The following SMIM13 variants were observed in gnomAD, a reference collection of about 807,000 sequenced individuals.
SMIM13 encodes the protein UPF0766 protein C6orf228.
In SMIM13, 3 loss-of-function variants were observed where a neutral mutation model predicts 5.9. The observed-to-expected ratio is 0.51, with a 90% confidence interval of 0.23 to 1.31. SMIM13 has a LOEUF of 1.31. SMIM13 is among the 40% of genes most tolerant of loss of function. The pLI, the probability that SMIM13 is intolerant of heterozygous loss-of-function variation, is 0.18. For synonymous variants in SMIM13, 55 were observed against 46.0 expected (o/e 1.19, Z -0.79); for missense variants, 85 against 109.9 (o/e 0.77, Z 1.01).
intron 1 of SMIM13, among the ~76,000 whole-genome samples, chr6:11,114,559 T>C (rs1329970841): frequency 6.6e-6 from 1 of 150,972 alleles, no homozygotes; most frequent in African/African-American, 2.4e-5. Flanking sequence ...TTTTAATGAT[T>C]TTTCTGTATT....
At chr6:11,114,588 TTC>T (rs1758212366) in intron 1 of SMIM13, among the ~76,000 whole-genome samples, 1 of 139,354 alleles carries the variant, frequency 7.2e-6, no homozygotes. Context: ...CATGCACTTT[TTC>T]TCTTTTTTTT....
chr6:11,119,140 C>A (rs796928180), intron 1 of SMIM13, among the ~76,000 whole-genome samples: 1 of 152,154 alleles, frequency 6.6e-6, no homozygotes, highest in Non-Finnish European at 1.5e-5. Flanking sequence ...AAAGTGGGAA[C>A]AAAATGCTGA....
intron 1 of SMIM13, among the ~76,000 whole-genome samples, chr6:11,116,006 CTCTT>C (rs1758234356): frequency 2.4e-5 from 3 of 125,060 alleles, no homozygotes; most frequent in Admixed American, 1.8e-4. Flanking sequence ...TCCTTCCTTC[CTCTT>C]TTTTTTTTTT....
chr6:11,116,008 C>CTT lies in SMIM13; in HGVS notation c.77-18367_77-18366dup, dbSNP rs35527082. On this transcript the variant is annotated intron_variant, in intron 1 of 1. Transcript: ENST00000416247. ...TGCCGGCCGGCCTTCCTTCCTTCCTCTTTTTTTTTTTTTTTTTTTTTTTTT... is the reference window on the plus strand; with the variant it reads ...TGCCGGCCGGCCTTCCTTCCTTCCTCTTTTTTTTTTTTTTTTTTTTTTTTTTT... Among the ~76,000 whole-genome samples the CTT allele has an allele frequency of 1.7e-3, 134 of 78,526 alleles. 10 individuals are homozygous for CTT. The highest frequency in any genetic ancestry group is 6.2e-3 in the East Asian group (13 of 2,108). The allele number at this position is 78,526 out of a possible 152,430, so 51.5% of individuals were successfully genotyped here.
At chr6:11,125,811 T>C (rs184239374) in intron 1 of SMIM13, among the ~76,000 whole-genome samples, 5 of 152,310 alleles carry the variant, frequency 3.3e-5, no homozygotes, top group African/African-American at 1.2e-4. Flanking sequence ...AGGAGTCTTC[T>C]TTGGGTTAAA....
chr6:11,114,137 G>A (rs1447775804), intron 1 of SMIM13, among the ~76,000 whole-genome samples: 1 of 150,620 alleles, frequency 6.6e-6, no homozygotes, highest in Non-Finnish European at 1.5e-5. Flanking sequence ...GCGCCACCAC[G>A]CCTGGCTGAT....
intron 1 of SMIM13, among the ~76,000 whole-genome samples, chr6:11,122,496 G>A (rs1265623918): frequency 6.6e-6 from 1 of 152,082 alleles, no homozygotes; most frequent in East Asian, 1.9e-4. Flanking sequence ...TCAGGCCTGT[G>A]ACCTTTTTGC....
At chr6:11,099,050 T>C (rs1403124737) in intron 1 of SMIM13, among the ~76,000 whole-genome samples, 1 of 152,234 alleles carries the variant, frequency 6.6e-6, no homozygotes, top group Non-Finnish European at 1.5e-5. Flanking sequence ...GCAAATACAT[T>C]TCCCTTTTCT....
chr6:11,128,284 A>G (rs941638657), intron 1 of SMIM13, among the ~76,000 whole-genome samples: 2 of 152,056 alleles, frequency 1.3e-5, no homozygotes, highest in Non-Finnish European at 2.9e-5. Context: ...GCAGGTTCCT[A>G]TCTGGCCCAG....
At chr6:11,109,249 A>G (rs1289012730) in intron 1 of SMIM13, among the ~76,000 whole-genome samples, 2 of 152,142 alleles carry the variant, frequency 1.3e-5, no homozygotes, top group Admixed American at 1.3e-4. Flanking sequence ...ACTTTGATAT[A>G]TTTGTCAGGG....
intron 1 of SMIM13, among the ~76,000 whole-genome samples, chr6:11,097,682 A>C (rs1270171523): frequency 6.6e-6 from 1 of 152,006 alleles, no homozygotes; most frequent in Non-Finnish European, 1.5e-5. Flanking sequence ...AAAAAAAAAA[A>C]AACCTTATCT....
chr6:11,117,684 A>T (rs555008851), intron 1 of SMIM13, among the ~76,000 whole-genome samples: 109 of 151,288 alleles, frequency 7.2e-4, no homozygotes, highest in Admixed American at 1.6e-3. Flanking sequence ...ATTTTGTATG[A>T]TAAAATTTAG....
intron 1 of SMIM13, chr6:11,103,999 A>G (rs1561752341): frequency 1.3e-6 from 2 of 1,551,580 alleles, no homozygotes; most frequent in African/African-American, 1.4e-5. Context: ...CAAAAGCAAC[A>G]TTTTTCATCT....
chr6:11,118,656 C>G (rs962316435), intron 1 of SMIM13, among the ~76,000 whole-genome samples: 3 of 152,070 alleles, frequency 2.0e-5, no homozygotes, highest in African/African-American at 7.2e-5. Flanking sequence ...TATTGTAGAA[C>G]GATCTAAAAG....
At chr6:11,121,256 T>C (rs1205707180) in intron 1 of SMIM13, among the ~76,000 whole-genome samples, 1 of 152,224 alleles carries the variant, frequency 6.6e-6, no homozygotes, top group East Asian at 1.9e-4. Context: ...CACTCTCTAC[T>C]GTTTCTGTCT....
At chr6:11,097,668 C>CA (rs34556394) in intron 1 of SMIM13, among the ~76,000 whole-genome samples, 248 of 109,770 alleles carry the variant, frequency 2.3e-3, no homozygotes, top group Middle Eastern at 4.6e-3. Flanking sequence ...AACTCCGTTT[C>CA]AAAAAAAAAA....
intron 1 of SMIM13, among the ~76,000 whole-genome samples, chr6:11,106,492 G>C (rs1217425349): frequency 6.6e-6 from 1 of 152,254 alleles, no homozygotes; most frequent in African/African-American, 2.4e-5. Context: ...GCCTTAGACT[G>C]TCTCTTCTAA....
At chr6:11,105,754 A>T (rs1561753338) in intron 1 of SMIM13, 2 of 162,930 alleles carry the variant, frequency 1.2e-5, no homozygotes, top group East Asian at 3.8e-4. Context: ...AGAGGTGGGG[A>T]TTTTTCCCCT....
intron 1 of SMIM13, among the ~76,000 whole-genome samples, chr6:11,095,159 G>A (rs1757906694): frequency 6.6e-6 from 1 of 152,158 alleles, no homozygotes; most frequent in Admixed American, 6.5e-5. Context: ...GTGTCAGTGA[G>A]TTTACACATA....
Sources: allele counts gnomAD v4.1 joint callset (sites outside exome capture counted in the v4.1 genomes callset), GRCh38; gene constraint gnomAD v4.1.1; transcripts MANE v1.5; gene names NCBI Gene and HGNC (gene_info 2026-07-23, HGNC 2026-07-21).